The following PARP11 variants were observed in gnomAD, a reference collection of about 807,000 sequenced individuals.
PARP11 encodes poly(ADP-ribose) polymerase family member 11, also known as protein mono-ADP-ribosyltransferase PARP11.
PARP11 carries 31 observed loss-of-function variants against 42.9 expected under a neutral mutation model. That is an observed-to-expected ratio of 0.72 (90% CI 0.54 to 0.98). The LOEUF is 0.98. Among genes scored for constraint, PARP11 ranks in the 50% least tolerant of loss-of-function variants. PARP11 has a pLI of 0.00. For missense variants in PARP11, 365 were observed against 413.1 expected (o/e 0.88, Z 1.01); for synonymous variants, 137 against 127.3 (o/e 1.08, Z -0.51).
chr12:3,838,970 T>C (rs1947825607), intron 1 of PARP11, among the ~76,000 whole-genome samples: 1 of 152,080 alleles, frequency 6.6e-6, no homozygotes, highest in African/African-American at 2.4e-5. Flanking sequence ...ACCCCCGGCC[T>C]GGGTCCTGAG....
In PARP11 at chr12:3,840,357, A is replaced by G; in HGVS notation, c.19-10339T>C. 3 of 1,614,134 alleles carry G rather than the reference A, an allele frequency of 1.9e-6. No individual in the cohort carries two copies. The South Asian group carries it at 3.3e-5, about 18-fold the overall frequency. On this transcript the variant is annotated intron_variant, in intron 1 of 7. Coordinates refer to ENST00000228820, the MANE Select transcript of PARP11 (RefSeq NM_020367.6). This position sits in a 1 kb window ranked among gnomAD's most constrained non-coding sequence, Gnocchi z 4.4. ...TGAAAAAACCTTCCACTTCTGGACA[A>G]AATTTCCATTCTGATATGGATTACA...
chr12:3,856,780 A>G (rs189008494), intron 1 of PARP11, among the ~76,000 whole-genome samples: 1 of 152,338 alleles, frequency 6.6e-6, no homozygotes, highest in Non-Finnish European at 1.5e-5. Context: ...ATTACTGGGT[A>G]TATACCCAAA....
At chr12:3,822,992 T>C (rs1049014582) in intron 4 of PARP11, among the ~76,000 whole-genome samples, 1 of 152,164 alleles carries the variant, frequency 6.6e-6, no homozygotes, top group Admixed American at 6.5e-5. Flanking sequence ...AGTCAGTCAG[T>C]AAATCTTAAA....
chr12:3,820,229 A>C (rs1021336908), intron 6 of PARP11, among the ~76,000 whole-genome samples: 2 of 152,196 alleles, frequency 1.3e-5, no homozygotes, highest in Non-Finnish European at 2.9e-5. Context: ...AGAAGTGGGG[A>C]AAGTAAGAGA....
chr12:3,869,464 C>T (rs757893127), intron 1 of PARP11, among the ~76,000 whole-genome samples: 3 of 152,196 alleles, frequency 2.0e-5, no homozygotes, highest in Non-Finnish European at 2.9e-5. Flanking sequence ...CTGGTTCCTA[C>T]CTCCTGGGCT....
At chr12:3,869,408 G>C (rs1215850483) in intron 1 of PARP11, among the ~76,000 whole-genome samples, 1 of 152,146 alleles carries the variant, frequency 6.6e-6, no homozygotes, top group African/African-American at 2.4e-5. Context: ...CTCCTCTAAG[G>C]ATAAAGTTCA....
At chr12:3,856,806 C>A (rs1212942412) in intron 1 of PARP11, among the ~76,000 whole-genome samples, 1 of 152,134 alleles carries the variant, frequency 6.6e-6, no homozygotes, top group Non-Finnish European at 1.5e-5. Context: ...ATAAATCATG[C>A]TACTATAAAG....
At chr12:3,850,986 T>C (rs966810569) in intron 1 of PARP11, among the ~76,000 whole-genome samples, 1 of 152,246 alleles carries the variant, frequency 6.6e-6, no homozygotes, top group East Asian at 1.9e-4. Context: ...ATTGAAAGGA[T>C]AGTCCATCAG....
intron 1 of PARP11, among the ~76,000 whole-genome samples, chr12:3,860,364 T>G (rs144220523): frequency 1.5e-3 from 224 of 152,254 alleles, no homozygotes; most frequent in African/African-American, 5.2e-3. Context: ...TCAGAGATCA[T>G]CCGGGATGCT....
In PARP11 at chr12:3,829,977, T is replaced by G. The variant is rs767509790; in HGVS notation, c.60A>C (p.Thr20=). The change falls in exon 2 of 8, where the codon ACA becomes ACC. Residue 20 remains threonine (T), a synonymous_variant. Transcript: ENST00000228820. Reference sequence around the variant, plus strand: ...TGTCCATGTCATCCACTTCATTGTTTGTTGTTTTAGAAAATAATTCTTCTG... The same window carrying G: ...TGTCCATGTCATCCACTTCATTGTTGGTTGTTTTAGAAAATAATTCTTCTG... The part of the protein sequence containing the change: ...HKAEELFSKT[T]NNEVDDMDTS... 3 of 1,613,756 alleles carry G rather than the reference T, an allele frequency of 1.9e-6. No homozygotes were observed. Among genetic ancestry groups the G allele is most frequent in the Non-Finnish European group, 2.5e-6 (3 of 1,179,772 alleles).
In PARP11 at chr12:3,840,290, C is replaced by T; in HGVS notation, c.19-10272G>A. The T allele has an allele frequency of 1.9e-6, 3 of 1,614,024 alleles. No homozygotes were observed. The highest frequency in any genetic ancestry group is 2.5e-6 in the Non-Finnish European group (3 of 1,179,902). On this transcript the variant is annotated intron_variant, in intron 1 of 7. Transcript: ENST00000228820. This position sits in a 1 kb window ranked among gnomAD's most constrained non-coding sequence, Gnocchi z 4.4. Reference sequence around the variant, plus strand: ...AAGTACACATCAAAGAACCTCAAGGCACCTCCCCCAGAAAGCTGGAACACA... The same window carrying T: ...AAGTACACATCAAAGAACCTCAAGGTACCTCCCCCAGAAAGCTGGAACACA...
intron 4 of PARP11, 44 bp downstream of exon 4, chr12:3,826,114 A>G (rs775160532): frequency 1.8e-6 from 2 of 1,101,002 alleles, no homozygotes; most frequent in African/African-American, 1.6e-5. Context: ...CAATAGTAAG[A>G]AAAAAAAAAC....
intron 1 of PARP11, among the ~76,000 whole-genome samples, chr12:3,867,465 TA>T: frequency 6.6e-6 from 1 of 152,224 alleles, no homozygotes; most frequent in Non-Finnish European, 1.5e-5. Context: ...TACCAAAAAG[TA>T]ATTCTATGTT....
intron 1 of PARP11, among the ~76,000 whole-genome samples, chr12:3,867,409 G>A (rs1948411520): frequency 6.6e-6 from 1 of 152,144 alleles, no homozygotes; most frequent in South Asian, 2.1e-4. Flanking sequence ...TCTGAAATGA[G>A]GGATGAGATT....
rs539517790 is a variant in PARP11, at chr12:3,830,476, C to T, written c.19-458G>A. ...ATATGGTGTTGAGTGTAAAAGATTACAAAAAAATAGAAATAGTATAATCCA... is the reference window on the plus strand; with the variant it reads ...ATATGGTGTTGAGTGTAAAAGATTATAAAAAAATAGAAATAGTATAATCCA... On this transcript the variant is annotated intron_variant, in intron 1 of 7. Coordinates refer to ENST00000228820, the MANE Select transcript of PARP11 (RefSeq NM_020367.6). Among the ~76,000 whole-genome samples, 5 of 151,834 alleles carry T rather than the reference C, an allele frequency of 3.3e-5. No individual in the cohort carries two copies. In the East Asian group the frequency reaches 9.7e-4, roughly 29 times the overall value.
intron 1 of PARP11, among the ~76,000 whole-genome samples, chr12:3,851,714 T>G (rs1948097993): frequency 6.6e-6 from 1 of 152,256 alleles, no homozygotes; most frequent in Non-Finnish European, 1.5e-5. Flanking sequence ...CAGAAACTTC[T>G]GCAGACTTAA....
intron 6 of PARP11, among the ~76,000 whole-genome samples, chr12:3,818,491 T>G (rs1032953756): frequency 6.6e-6 from 1 of 152,218 alleles, no homozygotes; most frequent in African/African-American, 2.4e-5. Context: ...CTAAGTCTTT[T>G]AAATTCTCCT....
At chr12:3,821,259 A>T (rs1480376231) in intron 6 of PARP11, among the ~76,000 whole-genome samples, 1 of 152,206 alleles carries the variant, frequency 6.6e-6, no homozygotes, top group Non-Finnish European at 1.5e-5. Flanking sequence ...AGAACCGCTT[A>T]TTTTAATTTT....
rs960784341 is a variant in PARP11, at chr12:3,809,414, G to A, written c.*2709C>T. ...CAACAACAACAAGCCCCAAAAAACC[G>A]GTATAGTACCTTCTTACAATGGCTA... On this transcript the variant is annotated 3_prime_UTR_variant, in exon 8 of 8. Coordinates refer to ENST00000228820, the MANE Select transcript of PARP11 (RefSeq NM_020367.6). The A allele has an allele frequency of 1.3e-5, 2 of 152,046 alleles. No homozygotes were observed. The highest frequency in any genetic ancestry group is 2.9e-5 in the Non-Finnish European group (2 of 67,998). 9.4% of individuals were successfully genotyped at this position (152,046 alleles called of 1,614,324 possible).
Sources: gnomAD v4.1 joint callset for allele counts (sites outside exome capture counted in the v4.1 genomes callset) on GRCh38, gnomAD v4.1.1 for gene constraint, Gnocchi (gnomAD v3.1) non-coding constraint, MANE v1.5 for transcripts, NCBI Gene and HGNC (gene_info 2026-07-23, HGNC 2026-07-21) for gene names.